The following SLIT3 variants were observed in gnomAD, a reference collection of about 807,000 sequenced individuals.
SLIT3 encodes the protein slit guidance ligand 3.
A neutral mutation model predicts 184.0 loss-of-function variants in SLIT3; 68 were observed. The observed-to-expected ratio is 0.37, with a 90% CI of 0.30 to 0.45. The LOEUF is 0.45. Among genes scored for constraint, SLIT3 ranks in the 20% least tolerant of loss-of-function variants. The probability of loss-of-function intolerance (pLI) is 1.00; values close to 1 mark genes in which losing one functional copy is unlikely to be tolerated. For synonymous variants in SLIT3, 831 were observed against 828.6 expected (o/e 1.00, Z -0.05); for missense variants, 1,707 against 2,026.0 (o/e 0.84, Z 3.02).
intron 12 of SLIT3, among the ~76,000 whole-genome samples, chr5:168,775,555 C>T (rs1412311312): frequency 6.6e-6 from 1 of 152,188 alleles, no homozygotes; most frequent in Non-Finnish European, 1.5e-5. Context: ...TCCTGGCACT[C>T]ATCGCAATTT....
chr5:168,703,525 G>A (rs1387899930), intron 26 of SLIT3, among the ~76,000 whole-genome samples: 1 of 152,024 alleles, frequency 6.6e-6, no homozygotes, highest in Non-Finnish European at 1.5e-5. Flanking sequence ...CTCCTTATGA[G>A]AATCTAACTA....
intron 25 of SLIT3, chr5:168,710,082 G>T (rs1445838852): frequency 6.6e-6 from 1 of 151,970 alleles, no homozygotes; most frequent in African/African-American, 2.4e-5. Flanking sequence ...TCAATGGTAA[G>T]ACAAAAAAAT....
chr5:168,684,115 G>T lies in SLIT3; in HGVS notation c.3556-19C>A, dbSNP rs752563910. 5.7e-6 allele frequency: 9 copies of T among 1,567,438 alleles called. No individual in the cohort carries two copies. The highest frequency in any genetic ancestry group is 6.9e-6 in the Non-Finnish European group (8 of 1,154,070). On this transcript the variant is annotated intron_variant, in intron 31 of 35. Coordinates refer to ENST00000519560, the MANE Select transcript of SLIT3 (RefSeq NM_003062.4). ...TGGCCACCTGGAGAAAGCAGCCGGG[G>T]CGTGTTAGTAAGGGCTTACCTGAGA...
At chr5:168,912,833 T>G (rs557794686) in intron 4 of SLIT3, among the ~76,000 whole-genome samples, 51 of 152,254 alleles carry the variant, frequency 3.3e-4, no homozygotes, top group Non-Finnish European at 6.5e-4. Context: ...TCCCTTACTT[T>G]GTCCTTCTCT....
chr5:168,959,490 C>T (rs895969045), intron 4 of SLIT3, among the ~76,000 whole-genome samples: 3 of 152,186 alleles, frequency 2.0e-5, no homozygotes, highest in African/African-American at 7.2e-5. Flanking sequence ...TTGTCTGCGT[C>T]TGTGCAGGAT....
chr5:168,714,214 A>T (rs960923311), intron 23 of SLIT3, among the ~76,000 whole-genome samples: 1 of 152,176 alleles, frequency 6.6e-6, no homozygotes, highest in African/African-American at 2.4e-5. Flanking sequence ...CCTCTAGTTC[A>T]TGAGGTTATT....
At chr5:169,072,618 C>T (rs549694103) in intron 4 of SLIT3, among the ~76,000 whole-genome samples, 1 of 152,198 alleles carries the variant, frequency 6.6e-6, no homozygotes, top group Non-Finnish European at 1.5e-5. Flanking sequence ...ATTTTATCAT[C>T]ATTTTGACAT....
At chr5:168,833,934 T>G (rs1757960319) in intron 6 of SLIT3, among the ~76,000 whole-genome samples, 1 of 152,222 alleles carries the variant, frequency 6.6e-6, no homozygotes, top group Non-Finnish European at 1.5e-5. Context: ...ATAGCATTTC[T>G]GGATTGGGAA....
intron 27 of SLIT3, among the ~76,000 whole-genome samples, chr5:168,699,962 T>C (rs943975714): frequency 6.6e-6 from 1 of 152,166 alleles, no homozygotes; most frequent in Non-Finnish European, 1.5e-5. Flanking sequence ...AAGCACGAGG[T>C]TGGGACCTGG....
intron 26 of SLIT3, among the ~76,000 whole-genome samples, chr5:168,702,681 T>C (rs1039044157): frequency 6.6e-6 from 1 of 150,402 alleles, no homozygotes; most frequent in African/African-American, 2.5e-5. Context: ...ATAGCGATGA[T>C]GATGATGATG....
intron 5 of SLIT3, among the ~76,000 whole-genome samples, chr5:168,873,344 C>T (rs1317100121): frequency 6.6e-6 from 1 of 151,912 alleles, no homozygotes; most frequent in African/African-American, 2.4e-5. Flanking sequence ...CAAGATAATA[C>T]ATATGGCCGG....
chr5:168,696,459 G>A (rs1762068466), intron 27 of SLIT3, 28 bp from the exon 28 acceptor site: 2 of 1,612,990 alleles, frequency 1.2e-6, no homozygotes, highest in Non-Finnish European at 1.7e-6. Context: ...TGGAGAGCAG[G>A]GGAGTCAGGG....
At chr5:168,715,064 A>G (rs1429395901) in intron 23 of SLIT3, among the ~76,000 whole-genome samples, 1 of 152,126 alleles carries the variant, frequency 6.6e-6, no homozygotes, top group Admixed American at 6.5e-5. Context: ...TGGGTGGGTG[A>G]ATTCTCTTCT....
intron 4 of SLIT3, among the ~76,000 whole-genome samples, chr5:169,072,049 G>A (rs970518205): frequency 2.6e-5 from 4 of 152,150 alleles, no homozygotes; most frequent in African/African-American, 7.2e-5. Context: ...CATCCTTTAT[G>A]TATGAGAATG....
chr5:169,202,223 G>A (rs1021782485), intron 3 of SLIT3, among the ~76,000 whole-genome samples: 4 of 151,510 alleles, frequency 2.6e-5, no homozygotes, highest in African/African-American at 9.7e-5. Flanking sequence ...CAGAACAAGA[G>A]CCTATTTCAA....
At chr5:169,184,117 A>G (rs1763257146) in intron 4 of SLIT3, among the ~76,000 whole-genome samples, 1 of 152,218 alleles carries the variant, frequency 6.6e-6, no homozygotes, top group Non-Finnish European at 1.5e-5. Flanking sequence ...TTAGGTCTAT[A>G]AATCTTTTTC....
chr5:169,018,803 A>T (rs999819178), intron 4 of SLIT3: 1 of 152,208 alleles, frequency 6.6e-6, no homozygotes, highest in Non-Finnish European at 1.5e-5. Context: ...AGGGAAATGC[A>T]GGGGGTCTGA....
chr5:168,721,312 G>T (rs1762934194), intron 23 of SLIT3, among the ~76,000 whole-genome samples: 1 of 152,150 alleles, frequency 6.6e-6, no homozygotes, highest in Admixed American at 6.5e-5. Flanking sequence ...TGGGGGTGGT[G>T]GTGGGGTGCC....
Position 168,846,134 on chromosome 5 carries a change from G to A in SLIT3, c.486-1479C>T, listed in dbSNP as rs575669172. Among the ~76,000 whole-genome samples, 21 of 152,282 alleles carry A rather than the reference G, an allele frequency of 1.4e-4. No individual in the cohort carries two copies. The South Asian group carries it at 3.5e-3, about 26-fold the overall frequency. Reference sequence around the variant, plus strand: ...AAATAAAACGCAATAGAGTGATACCGTGCATTACAACAGACAGACTCTGTC... The same window carrying A: ...AAATAAAACGCAATAGAGTGATACCATGCATTACAACAGACAGACTCTGTC... On this transcript the variant is annotated intron_variant, in intron 5 of 35. Transcript: ENST00000519560.
Sources: gnomAD v4.1 joint callset for allele counts (sites outside exome capture counted in the v4.1 genomes callset) on GRCh38, gnomAD v4.1.1 for gene constraint, MANE v1.5 for transcripts, NCBI Gene and HGNC (gene_info 2026-07-23, HGNC 2026-07-21) for gene names.